Variants in DPP6 observed in about 807,000 individuals in gnomAD.
The protein encoded by DPP6 is dipeptidyl peptidase like 6, also known as A-type potassium channel modulatory protein DPP6.
In DPP6, 69 loss-of-function variants were observed where a neutral mutation model predicts 122.6. That is an observed-to-expected ratio of 0.56 (90% CI 0.46 to 0.69). The LOEUF (loss-of-function observed/expected upper bound fraction) is 0.69. DPP6 is among the 30% of genes least tolerant of loss of function. DPP6 has a pLI of 0.00. For synonymous variants in DPP6, 418 were observed against 433.1 expected, an observed-to-expected ratio of 0.97 and a Z score of 0.43; for missense variants, 928 against 1,116.9, an observed-to-expected ratio of 0.83 and a Z score of 2.41.
chr7:153,870,745 G>A, the DPP6 span, among the ~76,000 whole-genome samples: 1 of 152,250 alleles, frequency 6.6e-6, no homozygotes, highest in East Asian at 1.9e-4. Flanking sequence ...AGAGTTTCTG[G>A]TTTTTCTGCT....
At chr7:154,060,735 C>T (rs1156585812) in intron 1 of DPP6, among the ~76,000 whole-genome samples, 4,695 of 102,934 alleles carry the variant, frequency 0.046, no homozygotes, top group Non-Finnish European at 0.053. Context: ...GCACCCCCCG[C>T]GAGGCAGGGA....
chr7:154,250,262 G>A (rs58229286), intron 1 of DPP6, among the ~76,000 whole-genome samples: 4,450 of 152,020 alleles, frequency 0.029, 166 homozygotes, highest in African/African-American at 0.084. Context: ...TCTTCAACTC[G>A]GTGTCTGAGG....
intron 1 of DPP6, among the ~76,000 whole-genome samples, chr7:154,284,629 C>T (rs1284046164): frequency 1.3e-5 from 2 of 152,226 alleles, no homozygotes; most frequent in Non-Finnish European, 2.9e-5. Context: ...CCGAGACAGG[C>T]TGATCACTTG....
chr7:154,367,042 C>G (rs532218840), intron 1 of DPP6, among the ~76,000 whole-genome samples: 41 of 152,168 alleles, frequency 2.7e-4, no homozygotes, highest in Admixed American at 1.0e-3. Context: ...AGAGATGGCT[C>G]TCTTCCTTTC....
chr7:154,369,515 C>T (rs1331033164), intron 1 of DPP6, among the ~76,000 whole-genome samples: 2 of 152,084 alleles, frequency 1.3e-5, no homozygotes, highest in African/African-American at 4.8e-5. Flanking sequence ...ATTACAGGCA[C>T]CCACCACCAC....
At chr7:154,301,886 C>T (rs1409171455) in intron 1 of DPP6, among the ~76,000 whole-genome samples, 3 of 144,758 alleles carry the variant, frequency 2.1e-5, no homozygotes, top group East Asian at 2.1e-4. Context: ...GGTGCAATCT[C>T]GGCTCACTGC....
At chr7:154,550,077 G>C (rs1408670718) in intron 4 of DPP6, among the ~76,000 whole-genome samples, 1 of 152,000 alleles carries the variant, frequency 6.6e-6, no homozygotes, top group Non-Finnish European at 1.5e-5. Context: ...CTTTAAGATT[G>C]AAAATTATGT....
Position 154,604,844 on chromosome 7 carries a change from C to T in DPP6, c.628-32977C>T, listed in dbSNP as rs150597146. 5.8e-3 allele frequency among the ~76,000 whole-genome samples: 690 copies of T among 119,836 alleles called. 190 individuals carry two copies. The highest frequency in any genetic ancestry group is 6.6e-3 in the Non-Finnish European group (351 of 53,116). The allele number at this position is 119,836 out of a possible 152,430, so 78.6% of individuals were successfully genotyped here. A position where few individuals can be genotyped will look rare whatever the true frequency, so the allele number is the denominator to read the frequency against. On this transcript the variant is annotated intron_variant, in intron 5 of 25. Transcript: ENST00000377770. ...GTAAACAATGACGGTTTTGTTTCTCCCCGTCCTTGCCTATCTCTTTTGTTT... is the reference window on the plus strand; with the variant it reads ...GTAAACAATGACGGTTTTGTTTCTCTCCGTCCTTGCCTATCTCTTTTGTTT...
At chr7:154,317,015 T>A (rs749456188) in intron 1 of DPP6, among the ~76,000 whole-genome samples, 2 of 152,162 alleles carry the variant, frequency 1.3e-5, no homozygotes, top group Non-Finnish European at 2.9e-5. Context: ...AATTACAGTA[T>A]CCCAAGGTGT....
intron 1 of DPP6, among the ~76,000 whole-genome samples, chr7:154,083,165 C>T (rs1585338147): frequency 6.6e-6 from 1 of 151,840 alleles, no homozygotes; most frequent in East Asian, 2.0e-4. Context: ...TATCGTTTAA[C>T]TGACTAGTTG....
At chr7:154,321,569 G>A (rs1807957919) in intron 1 of DPP6, among the ~76,000 whole-genome samples, 1 of 151,870 alleles carries the variant, frequency 6.6e-6, no homozygotes, top group South Asian at 2.1e-4. Flanking sequence ...GGATCACAAG[G>A]TCAGGAGTTC....
At chr7:154,772,988 A>C (rs767760690) in intron 10 of DPP6, 46 bp downstream of exon 10, 3 of 1,501,576 alleles carry the variant, frequency 2.0e-6, no homozygotes, top group African/African-American at 1.4e-5. Flanking sequence ...AAAAACTAAG[A>C]TGAATGTTCA....
At chr7:154,688,286 C>T (rs1428303777) in intron 7 of DPP6, among the ~76,000 whole-genome samples, 1 of 152,188 alleles carries the variant, frequency 6.6e-6, no homozygotes, top group Admixed American at 6.5e-5. Flanking sequence ...AATTTATAAA[C>T]TTCAGCTGTT....
chr7:153,995,712 C>G (rs568446990), intron 1 of DPP6, among the ~76,000 whole-genome samples: 1 of 151,740 alleles, frequency 6.6e-6, no homozygotes, highest in South Asian at 2.1e-4. Flanking sequence ...AATGTGCTAT[C>G]GGCATATATT....
At chr7:153,953,005 A>G (rs941714796) in intron 1 of DPP6, among the ~76,000 whole-genome samples, 5 of 152,342 alleles carry the variant, frequency 3.3e-5, no homozygotes, top group African/African-American at 9.6e-5. Flanking sequence ...CTGTATTACA[A>G]TCTTATAATG....
At chr7:154,677,192 C>T (rs755485387) in intron 7 of DPP6, among the ~76,000 whole-genome samples, 17 of 152,164 alleles carry the variant, frequency 1.1e-4, no homozygotes, top group Non-Finnish European at 2.1e-4. Flanking sequence ...TTCAAGTGGA[C>T]GGAGCCCATT....
Position 154,060,596 on chromosome 7 carries a change from T to A in DPP6, c.243+7533T>A, listed in dbSNP as rs113718863. Among the ~76,000 whole-genome samples, 866 of 95,816 alleles carry A rather than the reference T, an allele frequency of 9.0e-3. 9 individuals are homozygous for A. The highest frequency in any genetic ancestry group is 0.023 in the Middle Eastern group (2 of 86). The allele number at this position is 95,816 out of a possible 152,430, so 62.9% of individuals were successfully genotyped here. On this transcript the variant is annotated intron_variant, in intron 1 of 25. Coordinates refer to ENST00000377770, the MANE Select transcript of DPP6 (RefSeq NM_130797.4). Reference sequence around the variant, plus strand: ...CTTACGTGGGATTACTGAGAGCCAGTCCCTCTTCCCCCCCCTGGCTCTGAG... The same window carrying A: ...CTTACGTGGGATTACTGAGAGCCAGACCCTCTTCCCCCCCCTGGCTCTGAG...
chr7:154,172,509 G>C (rs1342575588), intron 1 of DPP6, among the ~76,000 whole-genome samples: 1 of 152,168 alleles, frequency 6.6e-6, no homozygotes, highest in South Asian at 2.1e-4. Flanking sequence ...ATCTTGGTCT[G>C]CTTGCCCTGG....
At chr7:154,128,487 C>T (rs1169049189) in intron 1 of DPP6, among the ~76,000 whole-genome samples, 19 of 152,250 alleles carry the variant, frequency 1.2e-4, no homozygotes, top group South Asian at 6.2e-4. Context: ...CTGCAAGCTC[C>T]GCCTCCTGGG....
Sources: gnomAD v4.1 joint callset for allele counts (sites outside exome capture counted in the v4.1 genomes callset) on GRCh38, gnomAD v4.1.1 for gene constraint, MANE v1.5 for transcripts, NCBI Gene and HGNC (gene_info 2026-07-23, HGNC 2026-07-21) for gene names.